SLC6A3: variants seen among roughly 807,000 people sequenced by gnomAD.
SLC6A3 encodes the protein sodium-dependent dopamine transporter.
In SLC6A3, 19 loss-of-function variants were observed where a neutral mutation model predicts 70.4. The observed-to-expected ratio is 0.27, with a 90% CI of 0.19 to 0.40. The LOEUF is 0.40. SLC6A3 is among the 10% of genes least tolerant of loss of function. SLC6A3 has a pLI of 1.00. For missense variants in SLC6A3, 613 were observed against 838.5 expected, an observed-to-expected ratio of 0.73 and a Z score of 3.32; for synonymous variants, 368 against 356.6, an observed-to-expected ratio of 1.03 and a Z score of -0.36.
Position 1,405,468 on chromosome 5 carries a change from C to A in SLC6A3, c.1599+720G>T, listed in dbSNP as rs1755950173. On this transcript the variant is annotated intron_variant, in intron 12 of 14. Transcript: ENST00000270349. The surrounding 1 kb of genome is among the most constrained non-coding windows in gnomAD (Gnocchi z 5.3). The stretch of plus-strand genomic sequence containing the variant: ...TGCCTGCTGGACTCGGGAGGTGCTT[C>A]TCTACGTGAGCAGCTCACGGGACAC... Among the ~76,000 whole-genome samples the A allele has an allele frequency of 6.6e-6, 1 of 152,198 alleles. No homozygotes were observed.
At position 1,408,559 on chromosome 5, in the gene SLC6A3, C is replaced by T. The variant is rs1036798107; in HGVS notation, c.1498+467G>A. Among the ~76,000 whole-genome samples the T allele has an allele frequency of 6.6e-6, 1 of 152,318 alleles. No individual in the cohort carries two copies. The highest frequency in any genetic ancestry group is 3.4e-3 in the Middle Eastern group (1 of 294). On this transcript the variant is annotated intron_variant, in intron 11 of 14. Coordinates refer to ENST00000270349, the MANE Select transcript of SLC6A3 (RefSeq NM_001044.5). This position sits in a 1 kb window ranked among gnomAD's most constrained non-coding sequence, Gnocchi z 6.4. Reference sequence around the variant, plus strand: ...AACCACTGGTGGAAGTCCCAGGACACAGCTGGGGCAGCACAATGGGCCAGG... The same window carrying T: ...AACCACTGGTGGAAGTCCCAGGACATAGCTGGGGCAGCACAATGGGCCAGG...
chr5:1,416,345 T>C (rs925176582), intron 6 of SLC6A3, 144 bp from the exon 7 acceptor site: 10 of 698,834 alleles, frequency 1.4e-5, no homozygotes, highest in African/African-American at 3.5e-5. Flanking sequence ...AGCAGACGAC[T>C]GGTGGAAGAT....
intron 4 of SLC6A3, among the ~76,000 whole-genome samples, chr5:1,429,078 C>T (rs533591424): frequency 1.3e-5 from 2 of 152,314 alleles, no homozygotes; most frequent in South Asian, 4.1e-4. Flanking sequence ...GTGAGACATC[C>T]ACTCCCTGAT....
At position 1,443,151 on chromosome 5, in the gene SLC6A3, G is replaced by T; in HGVS notation, c.47C>A (p.Ala16Asp). 6.2e-7 allele frequency: 1 copy of T among 1,614,216 alleles called. No individual in the cohort carries two copies. Among genetic ancestry groups the T allele is most frequent in the Non-Finnish European group, 8.5e-7 (1 of 1,180,040 alleles). The change falls in exon 2 of 15, where the codon GCC becomes GAC. Residue 16 changes from alanine to aspartate, a missense_variant. Around this residue, in one of 4 missense-constraint regions of SLC6A3, gnomAD observed 111 missense variants for 91.6 expected, o/e 1.21. Coordinates refer to ENST00000270349, the MANE Select transcript of SLC6A3 (RefSeq NM_001044.5). Reference sequence around the variant, plus strand: ...CACGGCATTGGGCTCCTTAGCCGGGGCCACCACGGAAGACATGAGTCCCAC... The same window carrying T: ...CACGGCATTGGGCTCCTTAGCCGGGTCCACCACGGAAGACATGAGTCCCAC... The part of the protein sequence containing the change: ...CSVGLMSSVV[A>D]PAKEPNAVGP...
rs1357388783 is a variant in SLC6A3 at position 1,438,182 on chromosome 5, T to C, written c.418+3177A>G. ...TTCGTGGGTCGAACAGTTCACTTTC[T>C]GTGATTTGCAATTTTCCTTCCTCAC... is the stretch of plus-strand genomic sequence containing the variant. On this transcript the variant is annotated intron_variant, in intron 3 of 14. Transcript: ENST00000270349. The surrounding 1 kb of genome is among the most constrained non-coding windows in gnomAD (Gnocchi z 6.5). 1.3e-5 allele frequency among the ~76,000 whole-genome samples: 2 copies of C among 152,256 alleles called. No homozygotes were observed. Among genetic ancestry groups the C allele is most frequent in the African/African-American group, 4.8e-5 (2 of 41,464 alleles).
chr5:1,416,446 C>T, intron 6 of SLC6A3: 1 of 589,920 alleles, frequency 1.7e-6, no homozygotes, highest in Non-Finnish European at 3.0e-6. Flanking sequence ...TGGGATTCCC[C>T]ATGGAGTATC....
chr5:1,396,928 A>G lies in SLC6A3; in HGVS notation c.1840-2170T>C, dbSNP rs577062638. On this transcript the variant is annotated intron_variant, in intron 14 of 14. Transcript: ENST00000270349. The surrounding 1 kb of genome is among the most constrained non-coding windows in gnomAD (Gnocchi z 7.0). ...GGGAAAGATCAAGCTAGACGCAGAT[A>G]CAGAATGGGTGAGGGGCAGGCAGTT... 1.1e-4 allele frequency among the ~76,000 whole-genome samples: 16 copies of G among 152,350 alleles called. No homozygotes were observed. In the East Asian group the frequency reaches 2.5e-3, roughly 24 times the overall value.
chr5:1,412,732 C>T (rs941897802), intron 8 of SLC6A3, among the ~76,000 whole-genome samples: 6 of 152,258 alleles, frequency 3.9e-5, no homozygotes, highest in African/African-American at 4.8e-5. Context: ...TCAGCAGGCA[C>T]GTGTCTGGCC....
chr5:1,397,431 AAAAC>A lies in SLC6A3; in HGVS notation c.1840-2677_1840-2674del, dbSNP rs57510492. ...GGGCTACAGAGCGAGACTCCGTCTC[AAAAC>A]AAACAAACAAACAAACAAACAAACA... On this transcript the variant is annotated intron_variant, in intron 14 of 14. Coordinates refer to ENST00000270349, the MANE Select transcript of SLC6A3 (RefSeq NM_001044.5). This position sits in a 1 kb window ranked among gnomAD's most constrained non-coding sequence, Gnocchi z 4.7. Among the ~76,000 whole-genome samples, 14,033 of 151,832 alleles carry A rather than the reference AAAAC, an allele frequency of 0.092. 723 individuals carry two copies. The highest frequency in any genetic ancestry group is 0.15 in the African/African-American group (5,998 of 41,262).
At chr5:1,403,524 G>A (rs964902648) in intron 12 of SLC6A3, among the ~76,000 whole-genome samples, 1 of 130,486 alleles carries the variant, frequency 7.7e-6, no homozygotes, top group Admixed American at 8.1e-5. Flanking sequence ...CATCACATCC[G>A]GCTCTATCCC....
intron 6 of SLC6A3, among the ~76,000 whole-genome samples, chr5:1,418,827 A>G (rs1325019286): frequency 6.7e-6 from 1 of 149,254 alleles, no homozygotes; most frequent in Non-Finnish European, 1.5e-5. Flanking sequence ...CAATCCACCC[A>G]TCATCCATCC....
chr5:1,406,603 G>A lies in SLC6A3; in HGVS notation c.1499-315C>T, dbSNP rs1560908426. Among the ~76,000 whole-genome samples, 1 of 152,164 alleles carries A rather than the reference G, an allele frequency of 6.6e-6. No homozygotes were observed. Among genetic ancestry groups the A allele is most frequent in the Admixed American group, 6.5e-5 (1 of 15,288 alleles). ...CCCATGGCTCTCCCTGTCTCCCTCT[G>A]CTGCTGGTACTTCTTGTTCACTTAA... On this transcript the variant is annotated intron_variant, in intron 11 of 14. Coordinates refer to ENST00000270349, the MANE Select transcript of SLC6A3 (RefSeq NM_001044.5). This position sits in a 1 kb window ranked among gnomAD's most constrained non-coding sequence, Gnocchi z 8.8.
At chr5:1,426,876 A>G (rs1756585359) in intron 4 of SLC6A3, among the ~76,000 whole-genome samples, 1 of 152,236 alleles carries the variant, frequency 6.6e-6, no homozygotes, top group Non-Finnish European at 1.5e-5. Context: ...ATGGTTGCAC[A>G]ACATGTGATT....
chr5:1,399,158 G>C (rs1361926457), intron 14 of SLC6A3, among the ~76,000 whole-genome samples: 1 of 152,092 alleles, frequency 6.6e-6, no homozygotes, highest in African/African-American at 2.4e-5. Flanking sequence ...AATTAATTTG[G>C]AAATTAAAAA....
rs528977903 is a variant in SLC6A3 at position 1,413,952 on chromosome 5, C to G, written c.1156+739G>C. On this transcript the variant is annotated intron_variant, in intron 8 of 14. Coordinates refer to ENST00000270349, the MANE Select transcript of SLC6A3 (RefSeq NM_001044.5). The surrounding 1 kb of genome is among the most constrained non-coding windows in gnomAD (Gnocchi z 7.1). ...CTTCTTGCTGTGGCCAAGGCCTCCC[C>G]CCACCACTCACCTGTGCCTGCCCGA... Among the ~76,000 whole-genome samples, 6 of 152,302 alleles carry G rather than the reference C, an allele frequency of 3.9e-5. No individual in the cohort carries two copies. The highest frequency in any genetic ancestry group is 5.9e-5 in the Non-Finnish European group (4 of 68,022).
In SLC6A3 at chr5:1,396,556, G is replaced by C. The variant is rs1004641305; in HGVS notation, c.1840-1798C>G. On this transcript the variant is annotated intron_variant, in intron 14 of 14. Coordinates refer to ENST00000270349, the MANE Select transcript of SLC6A3 (RefSeq NM_001044.5). The surrounding 1 kb of genome is among the most constrained non-coding windows in gnomAD (Gnocchi z 7.0). Reference sequence around the variant, plus strand: ...AGGTGGCTGCAGTTTGCAGGCCAGAGCGCCAGAGAGGAGGTGGCCACACAG... The same window carrying C: ...AGGTGGCTGCAGTTTGCAGGCCAGACCGCCAGAGAGGAGGTGGCCACACAG... Among the ~76,000 whole-genome samples, 24 of 152,358 alleles carry C rather than the reference G, an allele frequency of 1.6e-4. No homozygotes were observed. Among genetic ancestry groups the C allele is most frequent in the Admixed American group, 9.1e-4 (14 of 15,308 alleles).
chr5:1,419,778 G>A (rs1206515942), intron 6 of SLC6A3, among the ~76,000 whole-genome samples: 1 of 152,010 alleles, frequency 6.6e-6, no homozygotes, highest in Admixed American at 6.6e-5. Context: ...AGTGCTGCAG[G>A]CACACTTCCA....
chr5:1,404,610 A>T lies in SLC6A3; in HGVS notation c.1600-1521T>A, dbSNP rs907439633. On this transcript the variant is annotated intron_variant, in intron 12 of 14. Coordinates refer to ENST00000270349, the MANE Select transcript of SLC6A3 (RefSeq NM_001044.5). This position sits in a 1 kb window ranked among gnomAD's most constrained non-coding sequence, Gnocchi z 5.2. ...CGAGACTGGGGCGTGTACACCCCTT[A>T]CGACCAGAGGTTAGCACACGCCAGA... Among the ~76,000 whole-genome samples the T allele has an allele frequency of 4.6e-5, 7 of 152,208 alleles. No homozygotes were observed. Among genetic ancestry groups the T allele is most frequent in the African/African-American group, 9.6e-5 (4 of 41,456 alleles).
intron 4 of SLC6A3, among the ~76,000 whole-genome samples, chr5:1,427,692 C>T (rs528733067): frequency 4.6e-5 from 7 of 152,192 alleles, no homozygotes; most frequent in South Asian, 2.1e-4. Flanking sequence ...AGTAATGATA[C>T]GAAAGTTGGG....
Sources: allele counts gnomAD v4.1 joint callset (sites outside exome capture counted in the v4.1 genomes callset), GRCh38; gene constraint gnomAD v4.1.1; regional missense constraint gnomAD v4.1.1; non-coding constraint Gnocchi (gnomAD v3.1); transcripts MANE v1.5; gene names NCBI Gene and HGNC (gene_info 2026-07-23, HGNC 2026-07-21).